PGR: variants seen among roughly 807,000 people sequenced by gnomAD.
PGR encodes nuclear receptor subfamily 3 group C member 3.
Under a neutral mutation model 76.1 loss-of-function variants are expected in PGR, and 25 were observed. The observed-to-expected ratio is 0.33, with a 90% CI of 0.24 to 0.46. The LOEUF is 0.46. PGR is among the 20% of genes least tolerant of loss of function. The probability of loss-of-function intolerance (pLI) is 1.00; values close to 1 mark genes in which losing one functional copy is unlikely to be tolerated. For missense variants in PGR, 1,172 were observed against 1,225.3 expected, an observed-to-expected ratio of 0.96 and a Z score of 0.65; for synonymous variants, 579 against 535.0, an observed-to-expected ratio of 1.08 and a Z score of -1.14.
intron 2 of PGR, among the ~76,000 whole-genome samples, chr11:101,122,588 A>G (rs1336714404): frequency 6.6e-6 from 1 of 152,204 alleles, no homozygotes; most frequent in Non-Finnish European, 1.5e-5. Context: ...AGTCTTGGTA[A>G]AGGAATGCAA....
chr11:101,109,770 A>G (rs1862287569), intron 2 of PGR, among the ~76,000 whole-genome samples: 1 of 152,240 alleles, frequency 6.6e-6, no homozygotes, highest in South Asian at 2.1e-4. Flanking sequence ...CAATGTAGAT[A>G]AAACAGTCTT....
At chr11:101,048,477 G>C (rs776200614) in intron 6 of PGR, among the ~76,000 whole-genome samples, 1 of 152,124 alleles carries the variant, frequency 6.6e-6, no homozygotes, top group Non-Finnish European at 1.5e-5. Context: ...TATACACCTA[G>C]GCCTTATTCC....
At position 101,128,559 on chromosome 11, in the gene PGR, T is replaced by G. The variant is rs548349072; in HGVS notation, c.512A>C (p.Lys171Thr). 5 of 1,599,196 alleles carry G rather than the reference T, an allele frequency of 3.1e-6. No individual in the cohort carries two copies. Among genetic ancestry groups the G allele is most frequent in the Non-Finnish European group, 4.3e-6 (5 of 1,175,866 alleles). ...TGCCGTCCCGGAGCTGTCTCCAACC[T>G]TGCACCCGGACCGGCTCATGAGCGG... The part of the protein sequence containing the change: ...LSPLMSRSGC[K>T]VGDSSGTAAA... The change falls in exon 1 of 8, where the codon AAG becomes ACG. Residue 171 changes from lysine (K) to threonine (T), a missense_variant. Physicochemically the swap from Lys to Thr is moderately conservative, Grantham distance 78. This residue lies in a region of PGR where 893 missense variants were observed against 785.9 expected (regional missense o/e 1.14). Coordinates refer to ENST00000325455, the MANE Select transcript of PGR (RefSeq NM_000926.4).
At chr11:101,079,734 T>G (rs1423761782) in intron 3 of PGR, among the ~76,000 whole-genome samples, 1 of 152,216 alleles carries the variant, frequency 6.6e-6, no homozygotes, top group African/African-American at 2.4e-5. Flanking sequence ...AACTACCACG[T>G]GATGCAGCAA....
chr11:101,064,347 A>AAC, intron 3 of PGR, among the ~76,000 whole-genome samples: 1 of 139,548 alleles, frequency 7.2e-6, no homozygotes, highest in South Asian at 2.3e-4. Flanking sequence ...AAAAAAAAAA[A>AAC]AAAAAAAAAA....
chr11:101,071,715 A>G (rs1860942834), intron 3 of PGR, among the ~76,000 whole-genome samples: 1 of 151,932 alleles, frequency 6.6e-6, no homozygotes, highest in Non-Finnish European at 1.5e-5. Flanking sequence ...ATCAAGCAGA[A>G]GAAAGGATAT....
intron 2 of PGR, among the ~76,000 whole-genome samples, chr11:101,120,430 C>G (rs1285683092): frequency 6.6e-6 from 1 of 151,958 alleles, no homozygotes; most frequent in East Asian, 1.9e-4. Context: ...GAAAGAGAAG[C>G]AAGACATGTA....
intron 4 of PGR, among the ~76,000 whole-genome samples, chr11:101,059,973 T>C (rs1425474760): frequency 6.6e-6 from 1 of 151,206 alleles, no homozygotes; most frequent in African/African-American, 2.4e-5. Flanking sequence ...AAAGAAGAAA[T>C]GAGAAAGCCC....
At chr11:101,077,270 G>A (rs577099252) in intron 3 of PGR, among the ~76,000 whole-genome samples, 48 of 151,978 alleles carry the variant, frequency 3.2e-4, no homozygotes, top group African/African-American at 8.7e-4. Context: ...TGACCACTGC[G>A]CAGTGCTGGG....
intron 2 of PGR, among the ~76,000 whole-genome samples, chr11:101,116,360 G>A (rs1304052962): frequency 1.3e-5 from 2 of 152,214 alleles, no homozygotes; most frequent in East Asian, 3.8e-4. Flanking sequence ...GGGCAGCAGA[G>A]GCTAGCTGAG....
chr11:101,041,341 A>G (rs1859688147), intron 7 of PGR, among the ~76,000 whole-genome samples: 1 of 152,082 alleles, frequency 6.6e-6, no homozygotes, highest in African/African-American at 2.4e-5. Context: ...CTTGTATTTC[A>G]TATATCTTGA....
chr11:101,126,216 A>G, intron 1 of PGR, 58 bp from the exon 2 acceptor site: 2 of 1,531,272 alleles, frequency 1.3e-6, no homozygotes, highest in Non-Finnish European at 1.8e-6. Flanking sequence ...ATCTAATACT[A>G]AAGGTTTCTT....
intron 4 of PGR, among the ~76,000 whole-genome samples, chr11:101,056,522 T>C (rs2135402153): frequency 1.3e-5 from 2 of 149,804 alleles, no homozygotes; most frequent in Middle Eastern, 3.4e-3. Flanking sequence ...CTGGGGAGGC[T>C]GAAGTTACTG....
At position 101,127,597 on chromosome 11, in the gene PGR, G is replaced by T; in HGVS notation, c.1474C>A (p.Arg492=). Residue 492 remains arginine, a synonymous_variant, in exon 1 of 8, where the codon CGG becomes AGG. Transcript: ENST00000325455. ...GCGGAGGTGGAGGGCAGGCCGTCCC[G>T]CGGGAGCAGGCAGCCGCTCGCGCCC... is the stretch of plus-strand genomic sequence containing the variant. ...APGASGCLLP[R]DGLPSTSASA... is the part of the protein sequence containing the mutation. 7.7e-7 allele frequency: 1 copy of T among 1,302,062 alleles called. No individual in the cohort carries two copies. Among genetic ancestry groups the T allele is most frequent in the Non-Finnish European group, 9.7e-7 (1 of 1,034,254 alleles). The allele number at this position is 1,302,062 out of a possible 1,614,324, so 80.7% of individuals were successfully genotyped here.
chr11:101,120,969 A>G (rs1173360403), intron 2 of PGR, among the ~76,000 whole-genome samples: 1 of 152,184 alleles, frequency 6.6e-6, no homozygotes, highest in Non-Finnish European at 1.5e-5. Context: ...GCTCTAAATA[A>G]CCAAATATGA....
chr11:101,049,896 A>G (rs778258265), intron 6 of PGR, 33 bp downstream of exon 6: 2 of 1,571,310 alleles, frequency 1.3e-6, no homozygotes, highest in East Asian at 2.3e-5. Context: ...AAGAAACTAG[A>G]TATCTTGCAT....
At chr11:101,115,368 T>G (rs1028959655) in intron 2 of PGR, among the ~76,000 whole-genome samples, 22 of 152,154 alleles carry the variant, frequency 1.4e-4, no homozygotes, top group African/African-American at 4.8e-4. Context: ...TACTTGAATA[T>G]GGGATAAACT....
At chr11:101,117,783 T>C (rs896579204) in intron 2 of PGR, among the ~76,000 whole-genome samples, 2 of 152,076 alleles carry the variant, frequency 1.3e-5, no homozygotes, top group African/African-American at 4.8e-5. Context: ...AAACTACCTT[T>C]TCTAACTACT....
rs1420444049 is a variant in PGR, at chr11:101,038,375, C to T, written c.*741G>A. On this transcript the variant is annotated 3_prime_UTR_variant, in exon 8 of 8. Transcript: ENST00000325455. ...ATAATCTTCTGATTTCTTATGTCCA[C>T]TCGCAATACCTCATTAGAGGACAAT... 2 of 211,594 alleles carry T rather than the reference C, an allele frequency of 9.5e-6. No homozygotes were observed. Among genetic ancestry groups the T allele is most frequent in the Non-Finnish European group, 1.9e-5 (2 of 104,336 alleles). 13.1% of individuals were successfully genotyped at this position (211,594 alleles called of 1,614,324 possible).
Sources: allele counts gnomAD v4.1 joint callset (sites outside exome capture counted in the v4.1 genomes callset), GRCh38; gene constraint gnomAD v4.1.1; regional missense constraint gnomAD v4.1.1; transcripts MANE v1.5; gene names NCBI Gene and HGNC (gene_info 2026-07-23, HGNC 2026-07-21).